PISD: variants seen among roughly 807,000 people sequenced by gnomAD.
The protein encoded by PISD is phosphatidylserine decarboxylase.
Under a neutral mutation model 43.5 loss-of-function variants are expected in PISD, and 31 were observed. That is an observed-to-expected ratio of 0.71 (90% CI 0.54 to 0.96). PISD has a LOEUF of 0.96. Ranked by LOEUF, PISD falls within the 40% of genes least tolerant of loss-of-function variation. PISD has a pLI of 0.00. For synonymous variants in PISD, 259 were observed against 228.7 expected (o/e 1.13, Z -1.20); for missense variants, 523 against 548.4 (o/e 0.95, Z 0.46).
At chr22:31,620,916 G>A in intron 6 of PISD, 80 bp downstream of exon 6, 8 of 1,485,210 alleles carry the variant, frequency 5.4e-6, no homozygotes, top group Non-Finnish European at 7.2e-6. Flanking sequence ...TCTGGAGCCT[G>A]GTCCCCCAAC....
intron 2 of PISD, among the ~76,000 whole-genome samples, chr22:31,649,261 T>C (rs1328364631): frequency 6.6e-6 from 1 of 151,966 alleles, no homozygotes; most frequent in Admixed American, 6.6e-5. Context: ...TAGACCTTTG[T>C]CCAAAGGAAA....
chr22:31,649,664 C>T (rs541755088), intron 2 of PISD, among the ~76,000 whole-genome samples: 2 of 151,484 alleles, frequency 1.3e-5, no homozygotes, highest in South Asian at 4.2e-4. Flanking sequence ...ACCCAGGATG[C>T]GGAGCTTGCA....
chr22:31,623,842 A>C, intron 3 of PISD: 1 of 1,613,212 alleles, frequency 6.2e-7, no homozygotes, highest in Non-Finnish European at 8.5e-7. Flanking sequence ...AGCTGGGGGA[A>C]GTGCAACCTG....
intron 1 of PISD, among the ~76,000 whole-genome samples, chr22:31,656,065 AGGT>A (rs1349128888): frequency 2.7e-5 from 4 of 149,322 alleles, no homozygotes; most frequent in Non-Finnish European, 5.9e-5. Flanking sequence ...AGGCTGAGGC[AGGT>A]GGATCACCTG....
chr22:31,624,257 C>G (rs1191144481), intron 3 of PISD, among the ~76,000 whole-genome samples: 2 of 152,208 alleles, frequency 1.3e-5, no homozygotes, highest in African/African-American at 4.8e-5. Context: ...TCACATCCCT[C>G]AGCCTCCGCA....
chr22:31,632,352 G>A (rs1454480934), intron 3 of PISD: 1 of 440,880 alleles, frequency 2.3e-6, no homozygotes, highest in South Asian at 9.6e-5. Flanking sequence ...CCACCCCTAA[G>A]GGCCTCAGCA....
intron 3 of PISD, chr22:31,629,627 G>A (rs557113004): frequency 5.5e-4 from 79 of 142,364 alleles, no homozygotes; most frequent in East Asian, 3.1e-3. Context: ...GTGTGTGTAG[G>A]TAGGGGGTGT....
At chr22:31,619,895 C>T (rs546560726) in intron 7 of PISD, 59 bp from the exon 8 acceptor site, 12 of 1,147,082 alleles carry the variant, frequency 1.0e-5, no homozygotes, top group South Asian at 1.4e-5. Flanking sequence ...AGTGTCACCC[C>T]CACATGTGTT....
chr22:31,650,251 G>A (rs939635230), intron 2 of PISD, among the ~76,000 whole-genome samples: 5 of 152,158 alleles, frequency 3.3e-5, no homozygotes, highest in Non-Finnish European at 7.3e-5. Flanking sequence ...GCCAAGGTCG[G>A]CAGATCACTT....
upstream of PISD, chr22:31,662,364 G>A (rs879026368): frequency 7.2e-6 from 5 of 695,144 alleles, no homozygotes; most frequent in South Asian, 3.3e-5. Flanking sequence ...CACCTAACCC[G>A]CTTGGCACCT....
In PISD at chr22:31,619,538, T is replaced by C. The variant is rs753421419; in HGVS notation, c.*74A>G. ...GCAGGCCCTTACCTGGATGGCCTCA[T>C]GGGCCTCCCTCTTGAAAAGACCCTC... On this transcript the variant is annotated 3_prime_UTR_variant, in exon 8 of 8. Transcript: ENST00000439502. 2.3e-6 allele frequency: 3 copies of C among 1,277,628 alleles called. No homozygotes were observed. Among genetic ancestry groups the C allele is most frequent in the Non-Finnish European group, 3.4e-6 (3 of 886,138 alleles). 79.1% of individuals were successfully genotyped at this position (1,277,628 alleles called of 1,614,324 possible).
At chr22:31,625,769 G>A (rs777282648) in intron 3 of PISD, 23 of 1,590,164 alleles carry the variant, frequency 1.4e-5, no homozygotes, top group African/African-American at 2.7e-5. Context: ...TCACCATTTC[G>A]CCGCGCGGAG....
chr22:31,650,461 T>A (rs571781479), intron 2 of PISD, among the ~76,000 whole-genome samples: 2 of 145,808 alleles, frequency 1.4e-5, no homozygotes, highest in African/African-American at 5.2e-5. Flanking sequence ...ACCCAGGAGG[T>A]GGAGGTTTAG....
Position 31,637,182 on chromosome 22 carries a change from T to A in PISD, c.321+10919A>T, listed in dbSNP as rs1172393929. ...AAAAAAAAATATATATATATATATA[T>A]ATATATATATATATATATATATATA... On this transcript the variant is annotated intron_variant, in intron 3 of 7. Transcript: ENST00000439502. Among the ~76,000 whole-genome samples the A allele has an allele frequency of 2.4e-4, 16 of 65,934 alleles. 1 individual carries two copies. The East Asian group carries it at 4.0e-3, about 16-fold the overall frequency. The allele number at this position is 65,934 out of a possible 152,430, so 43.3% of individuals were successfully genotyped here.
chr22:31,625,631 C>T (rs2072864466), intron 3 of PISD: 7 of 1,197,336 alleles, frequency 5.8e-6, no homozygotes, highest in Non-Finnish European at 8.3e-6. Context: ...GGCCAGGCTC[C>T]TCCAGCCTCG....
rs555615318 is a variant in PISD, at chr22:31,630,752, G to C, written c.322-8867C>G. On this transcript the variant is annotated intron_variant, in intron 3 of 7. Transcript: ENST00000439502. This position sits in a 1 kb window ranked among gnomAD's most constrained non-coding sequence, Gnocchi z 4.4. ...CGGGCAGGGTGGGGCGCCTCCCTGA[G>C]AAGTCACCTGGGGCTCCCGGCAGGG... 1 of 985,602 alleles carries C rather than the reference G, an allele frequency of 1.0e-6. No individual in the cohort carries two copies. Among genetic ancestry groups the C allele is most frequent in the Non-Finnish European group, 1.2e-6 (1 of 830,060 alleles). 61.1% of individuals were successfully genotyped at this position (985,602 alleles called of 1,614,324 possible). A position where few individuals can be genotyped will look rare whatever the true frequency, so the allele number is the denominator to read the frequency against.
At chr22:31,621,960 C>G in intron 3 of PISD, 75 bp from the exon 4 acceptor site, 1 of 1,104,530 alleles carries the variant, frequency 9.1e-7, no homozygotes, top group Non-Finnish European at 1.4e-6. Context: ...TGTCATTAGC[C>G]CAGCTCTCAC....
chr22:31,637,164 AATATATATATATATATATATATATATAT>A (rs61010566), intron 3 of PISD, among the ~76,000 whole-genome samples: 5 of 13,654 alleles, frequency 3.7e-4, no homozygotes, highest in Admixed American at 1.1e-3. Context: ...AAAAAAAAAA[AATATATATATATATATATATATATATAT>A]ATATATATAT....
chr22:31,626,162 G>A, intron 3 of PISD: 1 of 610,590 alleles, frequency 1.6e-6, no homozygotes, highest in Non-Finnish European at 2.4e-6. Flanking sequence ...GGCTGAGCCA[G>A]CCTGCACTGC....
Sources: gnomAD v4.1 joint callset for allele counts (sites outside exome capture counted in the v4.1 genomes callset) on GRCh38, gnomAD v4.1.1 for gene constraint, Gnocchi (gnomAD v3.1) non-coding constraint, MANE v1.5 for transcripts, NCBI Gene and HGNC (gene_info 2026-07-23, HGNC 2026-07-21) for gene names.